The following PHKA1 variants were observed in gnomAD, a reference collection of about 807,000 sequenced individuals.
PHKA1 encodes the protein phosphorylase kinase regulatory subunit alpha 1.
A neutral mutation model predicts 110.2 loss-of-function variants in PHKA1; 60 were observed. The observed-to-expected ratio is 0.54, with a 90% CI of 0.44 to 0.68. The LOEUF (loss-of-function observed/expected upper bound fraction) is 0.68, where lower values mean the gene tolerates loss of function less well. PHKA1 is among the 30% of genes least tolerant of loss of function. PHKA1 has a pLI of 0.00. For missense variants in PHKA1, 801 were observed against 942.5 expected (o/e 0.85, Z 1.97); for synonymous variants, 316 against 333.6 (o/e 0.95, Z 0.58).
chrX:72,653,442 G>A lies in PHKA1; in HGVS notation c.1130C>T (p.Pro377Leu), dbSNP rs2053453647. The A allele has an allele frequency of 8.4e-7, 1 of 1,195,446 alleles. No individual in the cohort carries two copies. The highest frequency in any genetic ancestry group is 1.1e-6 in the Non-Finnish European group (1 of 881,022). The change falls in exon 11 of 32, where the codon CCT (proline) becomes CTT (leucine). Residue 377 changes from proline to leucine, a missense_variant. Pro to Leu is a moderately conservative substitution (Grantham distance 98). Transcript: ENST00000373542. ...TGGCACTGTCTGACTCACCCTGTCAGGAGGAACACTGTACAGCTCTGGCAG... is the reference window on the plus strand; with the variant it reads ...TGGCACTGTCTGACTCACCCTGTCAAGAGGAACACTGTACAGCTCTGGCAG... ...PLLPELYSVP[P>L]DRVDEEYQNP...
intron 5 of PHKA1, among the ~76,000 whole-genome samples, chrX:72,682,286 T>G (rs1188573468): frequency 3.3e-4 from 16 of 47,860 alleles, no homozygotes; most frequent in African/African-American, 5.2e-4. Context: ...GGGAGGGAGG[T>G]GGGGGGGGTC....
Position 72,644,456 on chromosome X carries a change from C to T in PHKA1, c.1365G>A (p.Leu455=), listed in dbSNP as rs2053335775. 1 of 1,209,045 alleles carries T rather than the reference C, an allele frequency of 8.3e-7. No homozygotes were observed. Residue 455 remains leucine (L), a synonymous_variant, in exon 14 of 32, where the codon TTG becomes TTA. Transcript: ENST00000373542. ...TCTCCACGTAAATTCCCTTGTCCTT[C>T]AAAATGGTCTTGATTTCTTCTGTTT... ...LAETEEIKTI[L]KDKGIYVETI...
chrX:72,656,173 A>G lies in PHKA1; in HGVS notation c.988T>C (p.Leu330=). Reference sequence around the variant, plus strand: ...TCAAGAATAAAGTATGTCCAGAACAATGGCCATTCACACTCAATGTTTTCA... The same window carrying G: ...TCAAGAATAAAGTATGTCCAGAACAGTGGCCATTCACACTCAATGTTTTCA... ...LFENIECEWP[L]FWTYFILDGV... is the part of the protein sequence containing the mutation. The change falls in exon 10 of 32, where the codon TTG becomes CTG. Residue 330 remains leucine (L), a synonymous_variant. Transcript: ENST00000373542. 1 of 1,205,743 alleles carries G rather than the reference A, an allele frequency of 8.3e-7. No homozygotes were observed. Among genetic ancestry groups the G allele is most frequent in the Non-Finnish European group, 1.1e-6 (1 of 889,805 alleles).
chrX:72,699,010 G>A (rs2147831553), intron 3 of PHKA1, among the ~76,000 whole-genome samples: 1 of 111,096 alleles, frequency 9.0e-6, no homozygotes, highest in Non-Finnish European at 1.9e-5. Flanking sequence ...CAGAAAAACT[G>A]GTCATAATTT....
At chrX:72,657,451 T>C (rs782693046) in intron 9 of PHKA1, 137 bp downstream of exon 9, 4 of 483,480 alleles carry the variant, frequency 8.3e-6, no homozygotes, top group Non-Finnish European at 1.4e-5. Context: ...TCAACAAATA[T>C]AGCAAACATC....
At chrX:72,592,960 T>C (rs2052541575) in intron 29 of PHKA1, 144 bp downstream of exon 29, 2 of 482,881 alleles carry the variant, frequency 4.1e-6, no homozygotes, top group Non-Finnish European at 7.3e-6. Flanking sequence ...CTGTTTCATT[T>C]TTATGTTTTC....
At chrX:72,675,580 G>A (rs1556311427) in intron 6 of PHKA1, among the ~76,000 whole-genome samples, 1 of 111,040 alleles carries the variant, frequency 9.0e-6, no homozygotes, top group East Asian at 2.8e-4. Context: ...ATGTCTTCTT[G>A]CTGTTTCCAG....
chrX:72,662,387 C>G (rs941674575), intron 8 of PHKA1, among the ~76,000 whole-genome samples: 1 of 111,715 alleles, frequency 9.0e-6, no homozygotes, highest in African/African-American at 3.3e-5. Context: ...CTCAGCTGCT[C>G]GAAGCCTGGC....
intron 16 of PHKA1, 25 bp downstream of exon 16, chrX:72,635,130 G>A (rs377336705): frequency 5.0e-6 from 6 of 1,208,353 alleles, no homozygotes; most frequent in South Asian, 1.8e-5. Context: ...AAATACATTC[G>A]TTCCTTGCCT....
At chrX:72,589,846 A>G (rs997873312) in intron 29 of PHKA1, among the ~76,000 whole-genome samples, 4 of 109,803 alleles carry the variant, frequency 3.6e-5, no homozygotes, top group Non-Finnish European at 7.5e-5. Flanking sequence ...AGAATAAAAT[A>G]CCTAAGAATC....
intron 16 of PHKA1, among the ~76,000 whole-genome samples, chrX:72,634,449 A>G (rs2053204142): frequency 9.0e-6 from 1 of 110,773 alleles, no homozygotes; most frequent in Admixed American, 9.6e-5. Flanking sequence ...TTTGGAAGCA[A>G]CAGGAGAAAC....
In PHKA1 at chrX:72,581,145, C is replaced by T. The variant is rs2052331052; in HGVS notation, c.3529G>A (p.Ala1177Thr). ...KTLGADDTML[A>T]KDPASGICTL... The stretch of plus-strand genomic sequence containing the variant: ...CAGATGCCAGATGCGGGATCCTTTG[C>T]CAACATGGTATCATCTGCGCCAAGG... Residue 1177 changes from alanine to threonine, a missense_variant, in exon 32 of 32, where the codon GCA becomes ACA. Ala to Thr is a moderately conservative substitution (Grantham distance 58). Around this residue, in one of 2 missense-constraint regions of PHKA1, gnomAD observed 502 missense variants for 519.2 expected, o/e 0.97. Transcript: ENST00000373542. 8.3e-7 allele frequency: 1 copy of T among 1,198,545 alleles called. No homozygotes were observed. Among genetic ancestry groups the T allele is most frequent in the Non-Finnish European group, 1.1e-6 (1 of 883,746 alleles).
chrX:72,657,588 C>G lies in PHKA1; in HGVS notation c.918G>C (p.Glu306Asp), dbSNP rs2053511027. Reference protein sequence around the residue: ...FLRDGYKTPKEDPNRLYYEPA... With the variant: ...FLRDGYKTPKDDPNRLYYEPA... The stretch of plus-strand genomic sequence containing the variant: ...TTCATTTTGGAGAAAAGAAACCTAC[C>G]TCTTTAGGAGTTTTATATCCATCTC... The change falls in exon 9 of 32, where the codon GAG (glutamate) becomes GAC (aspartate). Residue 306 changes from glutamate to aspartate, a missense_variant and splice_region_variant. Glu to Asp is a conservative substitution (Grantham distance 45). This residue lies in a region of PHKA1 where 299 missense variants were observed against 423.3 expected (regional missense o/e 0.71). Coordinates refer to ENST00000373542, the MANE Select transcript of PHKA1 (RefSeq NM_002637.4). The G allele has an allele frequency of 1.2e-5, 14 of 1,198,512 alleles. No individual in the cohort carries two copies. Among genetic ancestry groups the G allele is most frequent in the Non-Finnish European group, 1.6e-5 (14 of 884,656 alleles).
chrX:72,673,808 AT>A (rs782058346), intron 6 of PHKA1, among the ~76,000 whole-genome samples: 9 of 110,000 alleles, frequency 8.2e-5, no homozygotes, highest in East Asian at 5.7e-4. Flanking sequence ...TTCATTTGAA[AT>A]TTTTTTTTAT....
At chrX:72,622,695 C>CTTA in intron 18 of PHKA1, 1 of 740,823 alleles carries the variant, frequency 1.3e-6, no homozygotes, top group Non-Finnish European at 1.6e-6. Flanking sequence ...ATATGCTCCT[C>CTTA]TAATATTATA....
Position 72,701,576 on chromosome X carries a change from G to C in PHKA1, c.285+3622C>G, listed in dbSNP as rs141912372. Reference sequence around the variant, plus strand: ...CCTACTAAAAATACAAAAATTAGCCGGGCACAGTGGTGGGCGCCTGTAACC... The same window carrying C: ...CCTACTAAAAATACAAAAATTAGCCCGGCACAGTGGTGGGCGCCTGTAACC... On this transcript the variant is annotated intron_variant, in intron 3 of 31. Coordinates refer to ENST00000373542, the MANE Select transcript of PHKA1 (RefSeq NM_002637.4). 6.3e-5 allele frequency among the ~76,000 whole-genome samples: 7 copies of C among 111,069 alleles called. No individual in the cohort carries two copies. The Admixed American group carries it at 6.7e-4, about 11-fold the overall frequency.
chrX:72,654,952 T>C (rs2053473972), intron 10 of PHKA1, among the ~76,000 whole-genome samples: 2 of 108,290 alleles, frequency 1.8e-5, no homozygotes, highest in Non-Finnish European at 3.9e-5. Flanking sequence ...CGCCCGCCAC[T>C]ACGCCCGGCT....
At chrX:72,675,143 G>A (rs1022706627) in intron 6 of PHKA1, among the ~76,000 whole-genome samples, 6 of 108,976 alleles carry the variant, frequency 5.5e-5, no homozygotes, top group Admixed American at 3.9e-4. Context: ...AGCCAAGATC[G>A]TGCCACTGCA....
intron 14 of PHKA1, among the ~76,000 whole-genome samples, chrX:72,636,744 T>A (rs2053235660): frequency 8.9e-6 from 1 of 112,674 alleles, no homozygotes; most frequent in Non-Finnish European, 1.9e-5. Flanking sequence ...GAAACTGTTT[T>A]ACCCAAAACA....
Sources: allele counts gnomAD v4.1 joint callset (sites outside exome capture counted in the v4.1 genomes callset), GRCh38; gene constraint gnomAD v4.1.1; regional missense constraint gnomAD v4.1.1; transcripts MANE v1.5; gene names NCBI Gene and HGNC (gene_info 2026-07-23, HGNC 2026-07-21).